The following ASAP1 variants were observed in gnomAD, a reference collection of about 807,000 sequenced individuals.
ASAP1 encodes ArfGAP with SH3 domain, ankyrin repeat and PH domain 1.
In ASAP1, 43 loss-of-function variants were observed where a neutral mutation model predicts 145.2. That is an observed-to-expected ratio of 0.30 (90% confidence interval 0.23 to 0.38). The LOEUF (loss-of-function observed/expected upper bound fraction) is 0.38. Ranked by LOEUF, ASAP1 falls within the 10% of genes least tolerant of loss-of-function variation. ASAP1 has a pLI of 1.00. For synonymous variants in ASAP1, 546 were observed against 515.5 expected (o/e 1.06, Z -0.80); for missense variants, 1,018 against 1,355.3 (o/e 0.75, Z 3.91).
chr8:130,378,383 G>C (rs765592351), intron 2 of ASAP1, among the ~76,000 whole-genome samples: 1 of 152,210 alleles, frequency 6.6e-6, no homozygotes, highest in African/African-American at 2.4e-5. Context: ...AGGACTTCAC[G>C]GCGAAGGTGA....
At chr8:130,250,301 A>G (rs1368835963) in intron 3 of ASAP1, among the ~76,000 whole-genome samples, 1 of 152,180 alleles carries the variant, frequency 6.6e-6, no homozygotes, top group Admixed American at 6.5e-5. Context: ...GTAGGGATCC[A>G]GGGCCAAAAA....
intron 20 of ASAP1, among the ~76,000 whole-genome samples, chr8:130,117,349 T>C (rs768977703): frequency 6.6e-5 from 10 of 152,170 alleles, no homozygotes; most frequent in Non-Finnish European, 1.3e-4. Flanking sequence ...ATTTTCAAGA[T>C]AGGGATGGTG....
chr8:130,357,814 C>A (rs948029004), intron 3 of ASAP1, among the ~76,000 whole-genome samples: 5 of 152,230 alleles, frequency 3.3e-5, no homozygotes, highest in Non-Finnish European at 5.9e-5. Context: ...AGTCCCCAGG[C>A]CTTTCAACCC....
At position 130,342,045 on chromosome 8, in the gene ASAP1, T is replaced by C. The variant is rs73417932; in HGVS notation, c.186+15972A>G. 3.1e-3 allele frequency among the ~76,000 whole-genome samples: 469 copies of C among 152,290 alleles called. 1 individual carries two copies. The highest frequency in any genetic ancestry group is 0.011 in the African/African-American group (453 of 41,558). ...GGCATTTATACCTTTGAGTGAAACATGGGAGAGATTTCCTTCCAAGAGTTA... is the reference window on the plus strand; with the variant it reads ...GGCATTTATACCTTTGAGTGAAACACGGGAGAGATTTCCTTCCAAGAGTTA... On this transcript the variant is annotated intron_variant, in intron 3 of 29. Transcript: ENST00000518721.
chr8:130,094,602 T>C (rs1197669183), intron 24 of ASAP1, among the ~76,000 whole-genome samples: 3 of 152,120 alleles, frequency 2.0e-5, no homozygotes, highest in African/African-American at 7.2e-5. Context: ...GGTAGTATTG[T>C]CCCCATTTTG....
chr8:130,339,697 T>TA (rs1825257947), intron 3 of ASAP1, among the ~76,000 whole-genome samples: 1 of 152,166 alleles, frequency 6.6e-6, no homozygotes, highest in African/African-American at 2.4e-5. Flanking sequence ...AGCACTAACT[T>TA]AAAGAGGTAT....
chr8:130,216,906 G>T (rs1455208389), intron 4 of ASAP1, among the ~76,000 whole-genome samples: 1 of 152,178 alleles, frequency 6.6e-6, no homozygotes, highest in African/African-American at 2.4e-5. Context: ...TCTCTCTGTT[G>T]CTACTTTTGC....
At chr8:130,361,879 G>C (rs1321187737) in intron 2 of ASAP1, 1 of 757,610 alleles carries the variant, frequency 1.3e-6, no homozygotes, top group Non-Finnish European at 2.3e-6. Flanking sequence ...AAAAATGTGC[G>C]CACACACATA....
intron 3 of ASAP1, among the ~76,000 whole-genome samples, chr8:130,246,808 TAA>T (rs1405824384): frequency 2.0e-5 from 3 of 152,194 alleles, no homozygotes; most frequent in Non-Finnish European, 4.4e-5. Flanking sequence ...AGGGCTAAGC[TAA>T]GTTTTGCTTT....
At chr8:130,079,863 T>C (rs1279647706) in intron 26 of ASAP1, 39 bp downstream of exon 26, 2 of 1,589,064 alleles carry the variant, frequency 1.3e-6, no homozygotes, top group East Asian at 4.5e-5. Flanking sequence ...ATTGCATCAA[T>C]GGATCCAACA....
At chr8:130,411,795 C>A (rs1030586416) in intron 1 of ASAP1, among the ~76,000 whole-genome samples, 1 of 152,198 alleles carries the variant, frequency 6.6e-6, no homozygotes, top group Non-Finnish European at 1.5e-5. Context: ...AGGCCAGCAC[C>A]ATAGGCATGT....
intron 24 of ASAP1, among the ~76,000 whole-genome samples, chr8:130,106,941 G>C (rs1033003008): frequency 6.6e-6 from 1 of 152,172 alleles, no homozygotes; most frequent in South Asian, 2.1e-4. Context: ...CCAGTGCCCA[G>C]AATGTTTGTT....
At chr8:130,258,252 C>G (rs1234015922) in intron 3 of ASAP1, among the ~76,000 whole-genome samples, 1 of 152,142 alleles carries the variant, frequency 6.6e-6, no homozygotes, top group Non-Finnish European at 1.5e-5. Flanking sequence ...CCAGCCCATC[C>G]CCTGCAGTCT....
At chr8:130,097,000 C>T (rs2097519298) in intron 24 of ASAP1, among the ~76,000 whole-genome samples, 1 of 151,618 alleles carries the variant, frequency 6.6e-6, no homozygotes, top group South Asian at 2.1e-4. Flanking sequence ...GTGGCATGCA[C>T]CTGTAATCCC....
In ASAP1 at chr8:130,107,495, C is replaced by CT. The variant is rs764936248; in HGVS notation, c.2401+4598dup. Among the ~76,000 whole-genome samples the CT allele has an allele frequency of 4.1e-3, 576 of 139,334 alleles. 2 individuals carry two copies. Among genetic ancestry groups the CT allele is most frequent in the Middle Eastern group, 0.012 (3 of 260 alleles). 91.4% of individuals were successfully genotyped at this position (139,334 alleles called of 152,430 possible). A position where few individuals can be genotyped will look rare whatever the true frequency, so the allele number is the denominator to read the frequency against. On this transcript the variant is annotated intron_variant, in intron 24 of 29. Coordinates refer to ENST00000518721, the MANE Select transcript of ASAP1 (RefSeq NM_018482.4). ...CCACCATGCCCGGCCCATAGTCTCT[C>CT]TTTTTTTTTTTTTTTAAAAAATGTA... is the stretch of plus-strand genomic sequence containing the variant.
At chr8:130,055,399 C>T (rs969122042) in intron 29 of ASAP1, among the ~76,000 whole-genome samples, 1 of 151,950 alleles carries the variant, frequency 6.6e-6, no homozygotes, top group African/African-American at 2.4e-5. Flanking sequence ...TCTTTGCCCA[C>T]AGCCCAGGTA....
chr8:130,258,586 C>A (rs1036469206), intron 3 of ASAP1, among the ~76,000 whole-genome samples: 1 of 152,170 alleles, frequency 6.6e-6, no homozygotes, highest in Non-Finnish European at 1.5e-5. Context: ...CTCGGAAGGG[C>A]TCTGTGAGTT....
At chr8:130,124,434 C>G (rs913295821) in intron 17 of ASAP1, among the ~76,000 whole-genome samples, 5 of 152,156 alleles carry the variant, frequency 3.3e-5, no homozygotes, top group Non-Finnish European at 7.4e-5. Flanking sequence ...CACATATAAA[C>G]TATATGAGAT....
At chr8:130,242,016 G>C (rs998407784) in intron 3 of ASAP1, among the ~76,000 whole-genome samples, 1 of 151,894 alleles carries the variant, frequency 6.6e-6, no homozygotes, top group African/African-American at 2.4e-5. Context: ...TAAAATATTA[G>C]CATAGAACTT....
Sources: allele counts gnomAD v4.1 joint callset (sites outside exome capture counted in the v4.1 genomes callset), GRCh38; gene constraint gnomAD v4.1.1; transcripts MANE v1.5; gene names NCBI Gene and HGNC (gene_info 2026-07-23, HGNC 2026-07-21).